OLFML1: variants seen among roughly 807,000 people sequenced by gnomAD.
The protein encoded by OLFML1 is olfactomedin like 1, also known as olfactomedin-like protein 1.
OLFML1 carries 33 observed loss-of-function variants against 37.3 expected under a neutral mutation model. The ratio of observed to expected loss-of-function variants is 0.88; its 90% CI spans 0.67 to 1.18. OLFML1 has a LOEUF of 1.18. OLFML1 is among the 50% of genes most tolerant of loss of function. The pLI, the probability that OLFML1 is intolerant of heterozygous loss-of-function variation, is 0.00. For missense variants in OLFML1, 545 were observed against 483.7 expected (o/e 1.13, Z -1.19); for synonymous variants, 186 against 181.3 (o/e 1.03, Z -0.21).
chr11:7,508,763 G>A (rs138740239), intron 2 of OLFML1, among the ~76,000 whole-genome samples: 165 of 152,276 alleles, frequency 1.1e-3, no homozygotes, highest in African/African-American at 3.7e-3. Flanking sequence ...AGATAATCTC[G>A]AGGTTTAGGG....
chr11:7,498,922 T>A (rs1590060852), intron 2 of OLFML1, among the ~76,000 whole-genome samples: 1 of 152,182 alleles, frequency 6.6e-6, no homozygotes, highest in African/African-American at 2.4e-5. Context: ...ATAGCTCTCA[T>A]CTGGATCATA....
chr11:7,492,650 A>C lies in OLFML1; in HGVS notation c.418+4235A>C, dbSNP rs112711794. ...AGCCTTTATTCAGAGATTATCCCCAAATGACGTCCACATGAGGGTTTCAAC... is the reference window on the plus strand; with the variant it reads ...AGCCTTTATTCAGAGATTATCCCCACATGACGTCCACATGAGGGTTTCAAC... On this transcript the variant is annotated intron_variant, in intron 2 of 2. Coordinates refer to ENST00000329293, the MANE Select transcript of OLFML1 (RefSeq NM_198474.4). 7.4e-3 allele frequency among the ~76,000 whole-genome samples: 1,131 copies of C among 152,210 alleles called. 24 individuals are homozygous for C. The highest frequency in any genetic ancestry group is 0.026 in the African/African-American group (1,063 of 41,532).
At chr11:7,491,401 C>T (rs1848596108) in intron 2 of OLFML1, among the ~76,000 whole-genome samples, 1 of 152,164 alleles carries the variant, frequency 6.6e-6, no homozygotes, top group Non-Finnish European at 1.5e-5. Context: ...GTCATGTCCT[C>T]CCATGGAGAA....
intron 2 of OLFML1, among the ~76,000 whole-genome samples, chr11:7,500,980 ATATT>A (rs1406445462): frequency 2.0e-5 from 3 of 152,216 alleles, no homozygotes; most frequent in Admixed American, 2.0e-4. Context: ...TATCTGTCAG[ATATT>A]TATTAACTTC....
At position 7,509,953 on chromosome 11, in the gene OLFML1, G is replaced by T; in HGVS notation, c.974G>T (p.Gly325Val). ...QDAEASFLLC[G>V]VLYVVYSTGG... is the part of the protein sequence containing the mutation. Reference sequence around the variant, plus strand: ...GCTGAAGCCTCATTCCTCTTGTGTGGGGTTCTCTATGTGGTCTACAGTACT... The same window carrying T: ...GCTGAAGCCTCATTCCTCTTGTGTGTGGTTCTCTATGTGGTCTACAGTACT... Residue 325 changes from glycine (G) to valine (V), a missense_variant, in exon 3 of 3, where the codon GGG becomes GTG. Physicochemically the swap from Gly to Val is moderately radical, Grantham distance 109 (BLOSUM62 -3). Coordinates refer to ENST00000329293, the MANE Select transcript of OLFML1 (RefSeq NM_198474.4). 3 of 1,614,236 alleles carry T rather than the reference G, an allele frequency of 1.9e-6. No individual in the cohort carries two copies. The highest frequency in any genetic ancestry group is 2.5e-6 in the Non-Finnish European group (3 of 1,180,038).
At chr11:7,500,264 C>T (rs1848704590) in intron 2 of OLFML1, among the ~76,000 whole-genome samples, 1 of 152,204 alleles carries the variant, frequency 6.6e-6, no homozygotes, top group East Asian at 1.9e-4. Flanking sequence ...TAGACATAGT[C>T]CCTCTGTAGC....
In OLFML1 at chr11:7,510,021, C is replaced by T. The variant is rs777834237; in HGVS notation, c.1042C>T (p.Leu348=). 1 of 1,614,262 alleles carries T rather than the reference C, an allele frequency of 6.2e-7. No homozygotes were observed. Among genetic ancestry groups the T allele is most frequent in the East Asian group, 2.2e-5 (1 of 44,894 alleles). ...PHRITCIYDP[L]GTISEEDLPN... Reference sequence around the variant, plus strand: ...TCGCATCACCTGCATCTATGATCCACTGGGCACTATCAGTGAGGAGGACTT... The same window carrying T: ...TCGCATCACCTGCATCTATGATCCATTGGGCACTATCAGTGAGGAGGACTT... The change falls in exon 3 of 3, where the codon CTG becomes TTG. Residue 348 remains leucine, a synonymous_variant. Transcript: ENST00000329293.
intron 2 of OLFML1, among the ~76,000 whole-genome samples, chr11:7,494,245 G>A (rs1848635499): frequency 6.6e-6 from 1 of 152,256 alleles, no homozygotes; most frequent in Non-Finnish European, 1.5e-5. Context: ...GGAAGTTGTA[G>A]AGAGGTGATG....
chr11:7,498,434 T>C (rs968119531), intron 2 of OLFML1, among the ~76,000 whole-genome samples: 1 of 152,230 alleles, frequency 6.6e-6, no homozygotes, highest in African/African-American at 2.4e-5. Flanking sequence ...TCAAGCACTC[T>C]GCATGCTATG....
chr11:7,490,204 A>T (rs186995696), intron 2 of OLFML1, among the ~76,000 whole-genome samples: 5 of 151,858 alleles, frequency 3.3e-5, no homozygotes, highest in Non-Finnish European at 1.5e-5. Flanking sequence ...TGCCCTGCCT[A>T]TAATATGAAG....
At chr11:7,493,446 T>G (rs1848624074) in intron 2 of OLFML1, among the ~76,000 whole-genome samples, 1 of 152,246 alleles carries the variant, frequency 6.6e-6, no homozygotes, top group Non-Finnish European at 1.5e-5. Context: ...ATAACTAATT[T>G]GCAACAGATG....
chr11:7,487,260 C>T (rs370407338), intron 1 of OLFML1, among the ~76,000 whole-genome samples: 3 of 152,156 alleles, frequency 2.0e-5, no homozygotes, highest in African/African-American at 4.8e-5. Flanking sequence ...TGTTGGCCAG[C>T]GCAGACACTT....
Position 7,509,519 on chromosome 11 carries a change from A to T in OLFML1, c.540A>T (p.Gly180=). The T allele has an allele frequency of 1.2e-6, 2 of 1,614,196 alleles. No homozygotes were observed. The highest frequency in any genetic ancestry group is 1.7e-6 in the Non-Finnish European group (2 of 1,180,020). The change falls in exon 3 of 3, where the codon GGA becomes GGT. Residue 180 remains glycine, a synonymous_variant. Coordinates refer to ENST00000329293, the MANE Select transcript of OLFML1 (RefSeq NM_198474.4). ...YNSPKVYLLI[G]SRNNTVWEFA... ...CTCCAAAGGTGTACTTATTAATTGGATCCAGAAACAACACTGTTTGGGAAT... is the reference window on the plus strand; with the variant it reads ...CTCCAAAGGTGTACTTATTAATTGGTTCCAGAAACAACACTGTTTGGGAAT...
At chr11:7,500,809 A>G (rs1380034944) in intron 2 of OLFML1, among the ~76,000 whole-genome samples, 1 of 151,702 alleles carries the variant, frequency 6.6e-6, no homozygotes, top group Non-Finnish European at 1.5e-5. Context: ...CAAGGCCAGG[A>G]GGATTGGTTG....
rs1264746264 is a variant in OLFML1 at position 7,509,772 on chromosome 11, TC to T, written c.798del (p.Ser267GlnfsTer104). 10 of 1,614,046 alleles carry T rather than the reference TC, an allele frequency of 6.2e-6. No homozygotes were observed. Among genetic ancestry groups the T allele is most frequent in the Non-Finnish European group, 8.5e-6 (10 of 1,180,036 alleles). ...GVGRALVYQH[S>X]PSTYIDLAVD... is the part of the protein sequence containing the mutation. ...AGGCCGAGCATTGGTTTACCAGCAC[TC>T]CCCCTCAACTTACATTGACCTGGCT... On this transcript the variant is annotated frameshift_variant, in exon 3 of 3. Coordinates refer to ENST00000329293, the MANE Select transcript of OLFML1 (RefSeq NM_198474.4). LOFTEE classifies it high-confidence loss of function.
intron 2 of OLFML1, among the ~76,000 whole-genome samples, chr11:7,489,143 C>A (rs76893220): frequency 6.6e-6 from 1 of 152,218 alleles, no homozygotes; most frequent in East Asian, 1.9e-4. Flanking sequence ...ATGCTAATTA[C>A]GTCTGTTCCA....
At chr11:7,499,152 T>C (rs1212532166) in intron 2 of OLFML1, among the ~76,000 whole-genome samples, 1 of 152,268 alleles carries the variant, frequency 6.6e-6, no homozygotes, top group Non-Finnish European at 1.5e-5. Flanking sequence ...ACAAGTTATA[T>C]GAAAAGATTC....
chr11:7,502,843 T>A (rs983661411), intron 2 of OLFML1, among the ~76,000 whole-genome samples: 8 of 152,166 alleles, frequency 5.3e-5, no homozygotes, highest in Admixed American at 5.2e-4. Flanking sequence ...TGACCTTAGG[T>A]GATCTGCCCA....
chr11:7,506,762 G>A (rs1386960718), intron 2 of OLFML1, among the ~76,000 whole-genome samples: 6 of 152,178 alleles, frequency 3.9e-5, no homozygotes, highest in African/African-American at 1.4e-4. Context: ...GTTGATGGGT[G>A]AGAATGCTGG....
Sources: gnomAD v4.1 joint callset for allele counts (sites outside exome capture counted in the v4.1 genomes callset) on GRCh38, gnomAD v4.1.1 for gene constraint, MANE v1.5 for transcripts, NCBI Gene and HGNC (gene_info 2026-07-23, HGNC 2026-07-21) for gene names.